Variants in PRKCQ observed in about 807,000 individuals in gnomAD.
PRKCQ encodes protein kinase C theta type.
In PRKCQ, 41 loss-of-function variants were observed where a neutral mutation model predicts 91.2. That is an observed-to-expected ratio of 0.45 (90% CI 0.35 to 0.58). PRKCQ has a LOEUF of 0.58. Among genes scored for constraint, PRKCQ ranks in the 20% least tolerant of loss-of-function variants. The pLI is 0.00. For synonymous variants in PRKCQ, 307 were observed against 316.9 expected (o/e 0.97, Z 0.33); for missense variants, 673 against 896.5 (o/e 0.75, Z 3.18).
At chr10:6,443,703 A>G (rs1258699016) in intron 15 of PRKCQ, among the ~76,000 whole-genome samples, 1 of 152,204 alleles carries the variant, frequency 6.6e-6, no homozygotes, top group African/African-American at 2.4e-5. Context: ...GTACCTCCAC[A>G]CAGAGGAATA....
intron 8 of PRKCQ, among the ~76,000 whole-genome samples, chr10:6,486,851 A>G (rs985327402): frequency 6.6e-6 from 1 of 152,232 alleles, no homozygotes; most frequent in Non-Finnish European, 1.5e-5. Flanking sequence ...AGGCAGCCTC[A>G]GCCTGCAGAT....
intron 1 of PRKCQ, among the ~76,000 whole-genome samples, chr10:6,527,641 G>T (rs561517551): frequency 6.6e-6 from 1 of 152,094 alleles, no homozygotes; most frequent in Non-Finnish European, 1.5e-5. Context: ...TCCTGCCACC[G>T]TGCCATTCTT....
At position 6,465,601 on chromosome 10, in the gene PRKCQ, A is replaced by C. The variant is rs538108543; in HGVS notation, c.1354-1197T>G. ...CGTCTGGGCATGAATTTGCATCTGA[A>C]AGTCTCACCTGGGTGGTTTCTTAAC... On this transcript the variant is annotated intron_variant, in intron 12 of 17. Transcript: ENST00000263125. This position sits in a 1 kb window ranked among gnomAD's most constrained non-coding sequence, Gnocchi z 4.4. Among the ~76,000 whole-genome samples the C allele has an allele frequency of 6.6e-6, 1 of 152,222 alleles. No individual in the cohort carries two copies. Among genetic ancestry groups the C allele is most frequent in the African/African-American group, 2.4e-5 (1 of 41,454 alleles).
intron 1 of PRKCQ, among the ~76,000 whole-genome samples, chr10:6,520,375 T>A (rs1375542465): frequency 6.6e-6 from 1 of 152,178 alleles, no homozygotes; most frequent in Non-Finnish European, 1.5e-5. Flanking sequence ...ACCTCTCTTG[T>A]GACTCACAGC....
intron 1 of PRKCQ, among the ~76,000 whole-genome samples, chr10:6,551,573 T>G (rs984788121): frequency 2.6e-5 from 4 of 152,012 alleles, no homozygotes; most frequent in African/African-American, 9.7e-5. Flanking sequence ...ATATTTTGTA[T>G]TTTTAGTAGA....
intron 17 of PRKCQ, among the ~76,000 whole-genome samples, chr10:6,429,038 G>T (rs1161797641): frequency 6.6e-6 from 1 of 152,134 alleles, no homozygotes; most frequent in African/African-American, 2.4e-5. Context: ...TCAATTCAGT[G>T]TCCCAAGATT....
At chr10:6,536,997 G>A (rs543251089) in intron 1 of PRKCQ, among the ~76,000 whole-genome samples, 1 of 152,188 alleles carries the variant, frequency 6.6e-6, no homozygotes, top group African/African-American at 2.4e-5. Flanking sequence ...CAGGGGCTCA[G>A]AGTAGCATGA....
At chr10:6,570,950 G>T (rs1220904699) in intron 1 of PRKCQ, among the ~76,000 whole-genome samples, 2 of 152,120 alleles carry the variant, frequency 1.3e-5, no homozygotes, top group Non-Finnish European at 2.9e-5. Context: ...CCCAGGTGGG[G>T]GCAGTTCTGA....
At chr10:6,422,978 C>T (rs148668374), downstream of PRKCQ, among the ~76,000 whole-genome samples, 55 of 152,248 alleles carry the variant, frequency 3.6e-4, no homozygotes, top group East Asian at 7.9e-3. Context: ...ACTTGGGTGG[C>T]GCCTACTCCA....
rs1835026332 is a variant in PRKCQ at position 6,456,661 on chromosome 10, A to C, written c.1647+13T>G. The C allele has an allele frequency of 3.1e-6, 5 of 1,613,674 alleles. No homozygotes were observed. The highest frequency in any genetic ancestry group is 3.3e-5 in the Admixed American group (2 of 59,980). On this transcript the variant is annotated intron_variant, in intron 15 of 17. Transcript: ENST00000263125. ...CATGGTGAGGTGGGAGCAGCCTGTC[A>C]CTGCATTCCTACCTCTGGGGCGATG...
At chr10:6,483,385 T>C in intron 11 of PRKCQ, 55 bp downstream of exon 11, 2 of 1,605,328 alleles carry the variant, frequency 1.2e-6, no homozygotes, top group South Asian at 2.2e-5. Flanking sequence ...GACCAGGAAC[T>C]TGGCTCATCA....
chr10:6,448,239 G>C (rs1030007334), intron 15 of PRKCQ, among the ~76,000 whole-genome samples: 3 of 152,188 alleles, frequency 2.0e-5, no homozygotes, highest in Admixed American at 2.0e-4. Context: ...AAGCTCAATG[G>C]ATTGGTCAGG....
chr10:6,471,190 T>A (rs546006964), intron 12 of PRKCQ, among the ~76,000 whole-genome samples: 1 of 152,268 alleles, frequency 6.6e-6, no homozygotes, highest in East Asian at 1.9e-4. Flanking sequence ...GAACATTATC[T>A]AGCACTCTAC....
chr10:6,554,827 A>T (rs1840344937), intron 1 of PRKCQ, among the ~76,000 whole-genome samples: 2 of 152,202 alleles, frequency 1.3e-5, no homozygotes, highest in African/African-American at 4.8e-5. Context: ...TCACCCTACC[A>T]AAAAGACACA....
intron 1 of PRKCQ, among the ~76,000 whole-genome samples, chr10:6,564,527 CA>C (rs913226448): frequency 1.1e-4 from 16 of 152,018 alleles, no homozygotes; most frequent in African/African-American, 3.9e-4. Context: ...ACTTTGGGGC[CA>C]CATATGGAGG....
rs1838093955 is a variant in PRKCQ, at chr10:6,504,729, CT to C, written c.379+2706del. Among the ~76,000 whole-genome samples the C allele has an allele frequency of 3.9e-5, 6 of 152,134 alleles. 1 individual carries two copies. Among genetic ancestry groups the C allele is most frequent in the Admixed American group, 3.9e-4 (6 of 15,274 alleles). ...GACGATTTCTTATACTAATAATGAG[CT>C]TTCTTAAAAGAATGCTCTCCTCCTT... On this transcript the variant is annotated intron_variant, in intron 4 of 17. Transcript: ENST00000263125.
the PRKCQ span, among the ~76,000 whole-genome samples, chr10:6,400,717 T>TA: frequency 1.8e-5 from 2 of 113,522 alleles, no homozygotes; most frequent in African/African-American, 6.1e-5. Flanking sequence ...TTTAAGAAAC[T>TA]GAAAAAAAAA....
At chr10:6,531,637 T>C (rs1839399285) in intron 1 of PRKCQ, among the ~76,000 whole-genome samples, 1 of 152,092 alleles carries the variant, frequency 6.6e-6, no homozygotes, top group African/African-American at 2.4e-5. Flanking sequence ...AGAAGGTAGA[T>C]TGAGGGACTC....
the PRKCQ span, among the ~76,000 whole-genome samples, chr10:6,407,361 A>T: frequency 2.4e-4 from 36 of 151,880 alleles, no homozygotes; most frequent in African/African-American, 8.5e-4. This position sits in a 1 kb window ranked among gnomAD's most constrained non-coding sequence, Gnocchi z 4.0. Flanking sequence ...CGTTCAAGTG[A>T]GGGGGAATGA....
Sources: allele counts gnomAD v4.1 joint callset (sites outside exome capture counted in the v4.1 genomes callset), GRCh38; gene constraint gnomAD v4.1.1; non-coding constraint Gnocchi (gnomAD v3.1); transcripts MANE v1.5; gene names NCBI Gene and HGNC (gene_info 2026-07-23, HGNC 2026-07-21).